Variants in TMTC2 observed in about 807,000 individuals in gnomAD.
TMTC2 encodes the protein protein O-mannosyl-transferase TMTC2.
TMTC2 carries 43 observed loss-of-function variants against 82.4 expected under a neutral mutation model. The observed-to-expected ratio is 0.52, with a 90% CI of 0.41 to 0.67. The LOEUF (loss-of-function observed/expected upper bound fraction) is 0.67. TMTC2 is among the 30% of genes least tolerant of loss of function. TMTC2 has a pLI of 0.00. For missense variants in TMTC2, 919 were observed against 1,012.4 expected, an observed-to-expected ratio of 0.91 and a Z score of 1.25; for synonymous variants, 408 against 381.9, an observed-to-expected ratio of 1.07 and a Z score of -0.80.
At chr12:83,057,312 G>C (rs997650833) in intron 10 of TMTC2, among the ~76,000 whole-genome samples, 2 of 151,872 alleles carry the variant, frequency 1.3e-5, no homozygotes, top group Admixed American at 6.6e-5. Flanking sequence ...TATATTGTCA[G>C]CGTAGTTTTT....
rs1158243797 is a variant in TMTC2 at position 82,958,850 on chromosome 12, G to T, written c.1599-6174G>T. The stretch of plus-strand genomic sequence containing the variant: ...AGCCAGACCAGTTAGGCAAGAGAAA[G>T]AAATAAAAGGCCTCCAAATAGGAAA... On this transcript the variant is annotated intron_variant, in intron 4 of 11. Coordinates refer to ENST00000321196, the MANE Select transcript of TMTC2 (RefSeq NM_152588.3). 2.0e-5 allele frequency among the ~76,000 whole-genome samples: 3 copies of T among 152,152 alleles called. No individual in the cohort carries two copies. The East Asian group carries it at 5.8e-4, about 30-fold the overall frequency.
At chr12:83,064,128 C>A (rs779968427) in intron 11 of TMTC2, among the ~76,000 whole-genome samples, 3 of 151,682 alleles carry the variant, frequency 2.0e-5, no homozygotes, top group Non-Finnish European at 2.9e-5. Flanking sequence ...ACTTGAGTAT[C>A]ATGTTGATTT....
At chr12:82,987,889 G>C (rs1879228506) in intron 8 of TMTC2, among the ~76,000 whole-genome samples, 1 of 152,108 alleles carries the variant, frequency 6.6e-6, no homozygotes, top group African/African-American at 2.4e-5. Flanking sequence ...CAAAGTATCT[G>C]CTGGGAATTT....
chr12:82,826,351 A>G (rs943028275), intron 1 of TMTC2, among the ~76,000 whole-genome samples: 12 of 152,158 alleles, frequency 7.9e-5, no homozygotes, highest in African/African-American at 2.7e-4. Context: ...CACGAATACC[A>G]TGTTGATATT....
intron 11 of TMTC2, among the ~76,000 whole-genome samples, chr12:83,072,306 T>G (rs1883147038): frequency 6.6e-6 from 1 of 152,194 alleles, no homozygotes; most frequent in Admixed American, 6.5e-5. Context: ...TATATTTGCA[T>G]GGTTCTGAAG....
At chr12:82,855,635 G>T (rs1482109131) in intron 1 of TMTC2, among the ~76,000 whole-genome samples, 1 of 152,152 alleles carries the variant, frequency 6.6e-6, no homozygotes, top group Non-Finnish European at 1.5e-5. Flanking sequence ...GATACAAAAA[G>T]ACTCCAAATG....
intron 4 of TMTC2, among the ~76,000 whole-genome samples, chr12:82,940,751 A>G (rs1218572080): frequency 2.1e-5 from 1 of 47,242 alleles, no homozygotes; most frequent in Admixed American, 3.0e-4. Context: ...CATAATACCT[A>G]TACATCCTTT....
chr12:82,876,093 CATAATGGT>C (rs1872531043), intron 2 of TMTC2, among the ~76,000 whole-genome samples: 1 of 100,614 alleles, frequency 9.9e-6, no homozygotes, highest in African/African-American at 4.9e-5. Context: ...GATTAGTATT[CATAATGGT>C]GGTGGTGGTG....
chr12:82,726,638 T>C (rs1465147657), intron 1 of TMTC2, among the ~76,000 whole-genome samples: 3 of 152,048 alleles, frequency 2.0e-5, no homozygotes, highest in African/African-American at 2.4e-5. Flanking sequence ...CTCAGCACTT[T>C]GGGAGGCCAA....
intron 1 of TMTC2, among the ~76,000 whole-genome samples, chr12:82,828,231 T>C (rs868219680): frequency 8.4e-5 from 12 of 142,996 alleles, no homozygotes; most frequent in African/African-American, 1.6e-4. Context: ...TTTTTTTTTT[T>C]CTGAGGCAGT....
At chr12:82,734,984 G>C (rs941329915) in intron 1 of TMTC2, among the ~76,000 whole-genome samples, 2 of 152,196 alleles carry the variant, frequency 1.3e-5, no homozygotes, top group Non-Finnish European at 2.9e-5. Flanking sequence ...GAGAGCCCAC[G>C]TGGTATATTG....
At chr12:83,074,421 C>T (rs1883217685) in intron 11 of TMTC2, among the ~76,000 whole-genome samples, 1 of 152,106 alleles carries the variant, frequency 6.6e-6, no homozygotes, top group African/African-American at 2.4e-5. Flanking sequence ...GTTTAATGCA[C>T]TCTTTTTGTG....
At chr12:82,700,916 GC>G (rs1484203827) in intron 1 of TMTC2, among the ~76,000 whole-genome samples, 1 of 152,148 alleles carries the variant, frequency 6.6e-6, no homozygotes, top group Non-Finnish European at 1.5e-5. Flanking sequence ...CAAAGGCACG[GC>G]TTACATGGAG....
chr12:82,875,264 T>A (rs1449604725), intron 2 of TMTC2, among the ~76,000 whole-genome samples: 1 of 152,218 alleles, frequency 6.6e-6, no homozygotes, highest in African/African-American at 2.4e-5. Context: ...TTGCATGCAT[T>A]TTACAAGGGA....
chr12:83,066,094 T>C (rs1422703630), intron 11 of TMTC2, among the ~76,000 whole-genome samples: 1 of 151,898 alleles, frequency 6.6e-6, no homozygotes, highest in Non-Finnish European at 1.5e-5. Context: ...AAATGTACAA[T>C]CTAATGTGGG....
At chr12:83,130,824 T>G (rs1442430903) in intron 11 of TMTC2, among the ~76,000 whole-genome samples, 2 of 152,222 alleles carry the variant, frequency 1.3e-5, no homozygotes. Flanking sequence ...TGATATTATT[T>G]CAGTATTTCA....
intron 4 of TMTC2, among the ~76,000 whole-genome samples, chr12:82,945,176 C>T (rs1204599994): frequency 6.6e-6 from 1 of 152,140 alleles, no homozygotes; most frequent in Non-Finnish European, 1.5e-5. Context: ...AAATCAGAAT[C>T]CTTTTAGAAA....
intron 1 of TMTC2, among the ~76,000 whole-genome samples, chr12:82,827,251 A>G (rs1869466385): frequency 6.6e-6 from 1 of 152,174 alleles, no homozygotes; most frequent in Non-Finnish European, 1.5e-5. Context: ...AAAACCTCAA[A>G]GGTGCAATAC....
chr12:83,005,228 GA>G (rs1385410732), intron 8 of TMTC2, among the ~76,000 whole-genome samples: 2 of 129,596 alleles, frequency 1.5e-5, no homozygotes, highest in African/African-American at 6.2e-5. Flanking sequence ...AAAAAAAGGG[GA>G]GAGAGAGAAA....
Sources: gnomAD v4.1 joint callset for allele counts (sites outside exome capture counted in the v4.1 genomes callset) on GRCh38, gnomAD v4.1.1 for gene constraint, MANE v1.5 for transcripts, NCBI Gene and HGNC (gene_info 2026-07-23, HGNC 2026-07-21) for gene names.